Variants in SFMBT2 observed in about 807,000 individuals in gnomAD.
The protein encoded by SFMBT2 is scm-like with four MBT domains protein 2.
Under a neutral mutation model 110.1 loss-of-function variants are expected in SFMBT2, and 38 were observed. That is an observed-to-expected ratio of 0.35 (90% confidence interval 0.27 to 0.45). SFMBT2 has a LOEUF of 0.45. SFMBT2 is among the 20% of genes least tolerant of loss of function. The pLI is 1.00. For missense variants in SFMBT2, 1,011 were observed against 1,094.9 expected (o/e 0.92, Z 1.08); for synonymous variants, 425 against 425.4 (o/e 1.00, Z 0.01).
At chr10:7,328,687 A>G (rs1298594634) in intron 4 of SFMBT2, among the ~76,000 whole-genome samples, 3 of 152,240 alleles carry the variant, frequency 2.0e-5, no homozygotes, top group Non-Finnish European at 4.4e-5. Flanking sequence ...TACATAAAAC[A>G]ATTTCCTCTT....
chr10:7,367,979 T>C lies in SFMBT2; in HGVS notation c.196-90A>G. 1 of 1,503,536 alleles carries C rather than the reference T, an allele frequency of 6.7e-7. No homozygotes were observed. The highest frequency in any genetic ancestry group is 1.4e-5 in the African/African-American group (1 of 71,996). 93.1% of individuals were successfully genotyped at this position (1,503,536 alleles called of 1,614,324 possible). On this transcript the variant is annotated intron_variant, in intron 3 of 20. Transcript: ENST00000397167. This position sits in a 1 kb window ranked among gnomAD's most constrained non-coding sequence, Gnocchi z 6.2. ...AAAAACCACTAAAAAATATGGCACTTACAAACAATATTCCTGTTGCTCTAA... is the reference window on the plus strand; with the variant it reads ...AAAAACCACTAAAAAATATGGCACTCACAAACAATATTCCTGTTGCTCTAA...
Position 7,248,648 on chromosome 10 carries a change from T to A in SFMBT2, c.872A>T (p.Asp291Val). The A allele has an allele frequency of 6.2e-7, 1 of 1,614,026 alleles. No individual in the cohort carries two copies. Among genetic ancestry groups the A allele is most frequent in the Non-Finnish European group, 8.5e-7 (1 of 1,179,862 alleles). Residue 291 changes from aspartate (D) to valine (V), a missense_variant and splice_region_variant, in exon 8 of 21, where the codon GAT (aspartate) becomes GTT (valine). Physicochemically the swap from Asp to Val is radical, Grantham distance 152. This residue lies in a region of SFMBT2 where 979 missense variants were observed against 1,016.1 expected (regional missense o/e 0.96). Transcript: ENST00000397167. ...KFPLPMEVFK[D>V]HADLRSHFFT... ...GAAATGGCTTCGCAAATCTGCGTGA[T>A]CCTGCAGGGAGAAAGATGAAAATAT...
At position 7,227,902 on chromosome 10, in the gene SFMBT2, G is replaced by A. The variant is rs746799517; in HGVS notation, c.1156C>T (p.His386Tyr). 7 of 1,607,406 alleles carry A rather than the reference G, an allele frequency of 4.4e-6. No homozygotes were observed. The South Asian group carries it at 7.8e-5, about 18-fold the overall frequency. ...SGQDFDWADY[H>Y]KQHGAQEAPP... is the part of the protein sequence containing the mutation. ...GCTTCCTGCGCCCCATGCTGCTTGTGATAATCTGCCCAGTCGAAGTCCTGG... is the reference window on the plus strand; with the variant it reads ...GCTTCCTGCGCCCCATGCTGCTTGTAATAATCTGCCCAGTCGAAGTCCTGG... The change falls in exon 10 of 21, where the codon CAC (histidine) becomes TAC (tyrosine). Residue 386 changes from histidine to tyrosine, a missense_variant. Transcript: ENST00000397167.
At chr10:7,325,860 C>A (rs1427493246) in intron 4 of SFMBT2, among the ~76,000 whole-genome samples, 1 of 152,058 alleles carries the variant, frequency 6.6e-6, no homozygotes, top group East Asian at 1.9e-4. Context: ...ATACTAAAAC[C>A]ATTGAATTGT....
At position 7,170,456 on chromosome 10, in the gene SFMBT2, C is replaced by T. The variant is rs1284609107; in HGVS notation, c.2544+472G>A. Among the ~76,000 whole-genome samples, 1 of 152,170 alleles carries T rather than the reference C, an allele frequency of 6.6e-6. No individual in the cohort carries two copies. Among genetic ancestry groups the T allele is most frequent in the Non-Finnish European group, 1.5e-5 (1 of 68,036 alleles). The stretch of plus-strand genomic sequence containing the variant: ...AGCAGCCAAGGCAGAGTGTGCTATC[C>T]TGACTTCCGGCCTGGCCAGGTGGCA... On this transcript the variant is annotated intron_variant, in intron 20 of 20. Transcript: ENST00000397167. This position sits in a 1 kb window ranked among gnomAD's most constrained non-coding sequence, Gnocchi z 4.6.
intron 1 of SFMBT2, among the ~76,000 whole-genome samples, chr10:7,393,865 A>G (rs1845848610): frequency 6.6e-6 from 1 of 152,192 alleles, no homozygotes; most frequent in Admixed American, 6.5e-5. Flanking sequence ...TCCTGAGACT[A>G]TAAGGCTGCT....
intron 14 of SFMBT2, 58 bp from the exon 15 acceptor site, chr10:7,197,745 C>T (rs959303153): frequency 2.5e-6 from 4 of 1,572,852 alleles, no homozygotes; most frequent in African/African-American, 2.7e-5. Flanking sequence ...CCCTAGGGGA[C>T]CCCTAGACCC....
At chr10:7,298,745 A>ATG (rs961369810) in intron 4 of SFMBT2, among the ~76,000 whole-genome samples, 50 of 151,824 alleles carry the variant, frequency 3.3e-4, no homozygotes, top group African/African-American at 1.1e-3. Flanking sequence ...GTATGTGTAT[A>ATG]TGTGTGTGTG....
At chr10:7,265,711 A>G (rs1841364645) in intron 7 of SFMBT2, among the ~76,000 whole-genome samples, 2 of 152,112 alleles carry the variant, frequency 1.3e-5, no homozygotes, top group African/African-American at 2.4e-5. Context: ...ATTATTCAGA[A>G]CTACTCACAG....
chr10:7,206,593 T>A (rs1339518872), intron 11 of SFMBT2: 13 of 984,846 alleles, frequency 1.3e-5, no homozygotes, highest in Admixed American at 1.2e-4. Flanking sequence ...TGTAGCAATG[T>A]CTAAAAGATC....
At chr10:7,297,775 C>T (rs1842444660) in intron 4 of SFMBT2, among the ~76,000 whole-genome samples, 1 of 152,132 alleles carries the variant, frequency 6.6e-6, no homozygotes, top group Non-Finnish European at 1.5e-5. Flanking sequence ...ATTATAAATT[C>T]GCTATAAATT....
chr10:7,243,447 T>C (rs1162921954), intron 9 of SFMBT2, 111 bp downstream of exon 9: 1 of 743,970 alleles, frequency 1.3e-6, no homozygotes, highest in Non-Finnish European at 2.3e-6. Flanking sequence ...TTCTACTACA[T>C]CTAAACCCTT....
intron 4 of SFMBT2, among the ~76,000 whole-genome samples, chr10:7,351,915 T>C (rs911725612): frequency 2.0e-5 from 3 of 151,926 alleles, no homozygotes; most frequent in African/African-American, 7.3e-5. Context: ...GAGGGAACTT[T>C]CCACATGACA....
chr10:7,375,927 G>A (rs1845194343), intron 2 of SFMBT2, among the ~76,000 whole-genome samples: 1 of 152,098 alleles, frequency 6.6e-6, no homozygotes, highest in Non-Finnish European at 1.5e-5. Context: ...TAAGAAAAAT[G>A]TTGATTCCTT....
Position 7,205,357 on chromosome 10 carries a change from C to T in SFMBT2, c.1444+458G>A, listed in dbSNP as rs114194266. The T allele has an allele frequency of 1.1e-3, 1,103 of 970,300 alleles. 18 individuals carry two copies. In the African/African-American group the frequency reaches 0.018, roughly 16 times the overall value. The allele number at this position is 970,300 out of a possible 1,614,324, so 60.1% of individuals were successfully genotyped here. ...TCTCCTGCCTTGGCCTCCCAAAGTA[C>T]TGAGATTATAGGAATGAGGCACTGT... On this transcript the variant is annotated intron_variant, in intron 12 of 20. Transcript: ENST00000397167.
intron 10 of SFMBT2, among the ~76,000 whole-genome samples, chr10:7,226,457 G>A (rs1409282666): frequency 1.3e-5 from 2 of 152,236 alleles, no homozygotes; most frequent in East Asian, 3.8e-4. Context: ...AGAGTGCAAT[G>A]ACAGTGTGGC....
chr10:7,298,304 A>G (rs932640574), intron 4 of SFMBT2, among the ~76,000 whole-genome samples: 1 of 152,066 alleles, frequency 6.6e-6, no homozygotes, highest in Non-Finnish European at 1.5e-5. Context: ...CACTGTACTG[A>G]GCACCCCCTA....
chr10:7,361,835 A>T (rs1281399606), intron 4 of SFMBT2, among the ~76,000 whole-genome samples: 1 of 152,166 alleles, frequency 6.6e-6, no homozygotes, highest in Non-Finnish European at 1.5e-5. Context: ...ACATCATCAC[A>T]CATACTTACC....
At position 7,243,682 on chromosome 10, in the gene SFMBT2, T is replaced by C. The variant is rs777033215; in HGVS notation, c.996A>G (p.Gln332=). The change falls in exon 9 of 21, where the codon CAA becomes CAG. Residue 332 remains glutamine (Q), a synonymous_variant. Coordinates refer to ENST00000397167, the MANE Select transcript of SFMBT2 (RefSeq NM_001387889.1). ...VTKVFNNHFF[Q]VTIDDLRPEP... is the part of the protein sequence containing the mutation. Reference sequence around the variant, plus strand: ...CAGGTCTTAGGTCATCAATAGTCACTTGAAAAAAGTGATTGTTAAAAACCT... The same window carrying C: ...CAGGTCTTAGGTCATCAATAGTCACCTGAAAAAAGTGATTGTTAAAAACCT... The C allele has an allele frequency of 4.6e-6, 4 of 872,062 alleles. No homozygotes were observed. Among genetic ancestry groups the C allele is most frequent in the Non-Finnish European group, 8.0e-6 (4 of 501,548 alleles). 54.0% of individuals were successfully genotyped at this position (872,062 alleles called of 1,614,324 possible).
Sources: allele counts gnomAD v4.1 joint callset (sites outside exome capture counted in the v4.1 genomes callset), GRCh38; gene constraint gnomAD v4.1.1; regional missense constraint gnomAD v4.1.1; non-coding constraint Gnocchi (gnomAD v3.1); transcripts MANE v1.5; gene names NCBI Gene and HGNC (gene_info 2026-07-23, HGNC 2026-07-21).